Variants in DACH2 observed in about 807,000 individuals in gnomAD.
The protein encoded by DACH2 is dachshund family transcription factor 2.
DACH2 carries 17 observed loss-of-function variants against 35.8 expected under a neutral mutation model. The ratio of observed to expected loss-of-function variants is 0.48; its 90% CI spans 0.33 to 0.71. The LOEUF (loss-of-function observed/expected upper bound fraction) is 0.71, where lower values mean the gene tolerates loss of function less well. DACH2 is among the 30% of genes least tolerant of loss of function. The probability of loss-of-function intolerance (pLI) is 0.02; values close to 1 mark genes in which losing one functional copy is unlikely to be tolerated. For missense variants in DACH2, 469 were observed against 472.7 expected, an observed-to-expected ratio of 0.99 and a Z score of 0.07; for synonymous variants, 195 against 177.3, an observed-to-expected ratio of 1.10 and a Z score of -0.79.
intron 2 of DACH2, among the ~76,000 whole-genome samples, chrX:86,471,594 C>T (rs1056288321): frequency 5.4e-5 from 6 of 111,046 alleles, no homozygotes; most frequent in Admixed American, 1.9e-4. Context: ...ATAACCACCC[C>T]AAAAGATATG....
At chrX:86,546,503 CTTTTTTTTTT>C (rs35560036) in intron 3 of DACH2, among the ~76,000 whole-genome samples, 1 of 69,812 alleles carries the variant, frequency 1.4e-5, no homozygotes, top group Admixed American at 1.7e-4. Context: ...CTTCTTCTTT[CTTTTTTTTTT>C]TTTTTTTTTA....
At chrX:86,241,690 G>T (rs1174655366) in intron 1 of DACH2, among the ~76,000 whole-genome samples, 1 of 112,481 alleles carries the variant, frequency 8.9e-6, no homozygotes, top group Non-Finnish European at 1.9e-5. Context: ...GTCAGAGACT[G>T]TCACAGCAGC....
intron 7 of DACH2, among the ~76,000 whole-genome samples, chrX:86,768,599 A>G (rs1292404720): frequency 9.0e-6 from 1 of 111,661 alleles, no homozygotes; most frequent in African/African-American, 3.3e-5. Context: ...GTTCAGCAGA[A>G]TTTCATTATT....
chrX:86,812,207 A>G (rs2042401084), intron 7 of DACH2, among the ~76,000 whole-genome samples: 2 of 111,951 alleles, frequency 1.8e-5, no homozygotes, highest in Admixed American at 9.6e-5. Context: ...CAAAAAAACC[A>G]TGTATCGTAG....
At chrX:86,346,474 A>C (rs770223981) in intron 1 of DACH2, among the ~76,000 whole-genome samples, 86 of 110,683 alleles carry the variant, frequency 7.8e-4, no homozygotes, top group African/African-American at 2.7e-3. Flanking sequence ...TTTTCTTCTG[A>C]AGATAAAATC....
chrX:86,229,602 T>C (rs1437791792), intron 1 of DACH2, among the ~76,000 whole-genome samples: 2 of 112,136 alleles, frequency 1.8e-5, no homozygotes, highest in Middle Eastern at 4.6e-3. Flanking sequence ...TCCATAAGCA[T>C]GGATATGTTT....
At chrX:86,513,015 G>A in intron 2 of DACH2, 1 of 301,002 alleles carries the variant, frequency 3.3e-6, no homozygotes. Flanking sequence ...TTGATGTACA[G>A]TGGAAGAAAA....
At chrX:86,711,326 A>C (rs1279354993) in intron 5 of DACH2, among the ~76,000 whole-genome samples, 2 of 111,673 alleles carry the variant, frequency 1.8e-5, no homozygotes, top group African/African-American at 3.3e-5. Flanking sequence ...GCGTGAGCCG[A>C]GATCTCTCCA....
At chrX:86,678,747 A>G (rs1485113804) in intron 4 of DACH2, among the ~76,000 whole-genome samples, 1 of 112,141 alleles carries the variant, frequency 8.9e-6, no homozygotes, top group Non-Finnish European at 1.9e-5. Context: ...CAAGTATTTT[A>G]TTATCAAGTC....
intron 1 of DACH2, among the ~76,000 whole-genome samples, chrX:86,294,558 C>T (rs2034397640): frequency 9.1e-6 from 1 of 109,899 alleles, no homozygotes; most frequent in Non-Finnish European, 1.9e-5. Flanking sequence ...TGCGGTTTTT[C>T]CTACTTTTGG....
At chrX:86,826,255 G>A (rs189667316) in intron 11 of DACH2, among the ~76,000 whole-genome samples, 133 of 111,236 alleles carry the variant, frequency 1.2e-3, no homozygotes, top group Non-Finnish European at 2.3e-3. Context: ...AGGGGAAAGG[G>A]ATGTATTAAA....
chrX:86,264,113 G>C lies in DACH2; in HGVS notation c.489-112711G>C, dbSNP rs760425371. Among the ~76,000 whole-genome samples the C allele has an allele frequency of 2.2e-4, 25 of 111,863 alleles. No individual in the cohort carries two copies. The East Asian group carries it at 6.7e-3, about 30-fold the overall frequency. ...AAATGATTTTCTGTATATAATTTAT[G>C]TATAGTGTATGCTTAAAATATTTCT... On this transcript the variant is annotated intron_variant, in intron 1 of 11. Coordinates refer to ENST00000373125, the MANE Select transcript of DACH2 (RefSeq NM_053281.3).
At chrX:86,488,498 G>A (rs1307059873) in intron 2 of DACH2, among the ~76,000 whole-genome samples, 4 of 111,287 alleles carry the variant, frequency 3.6e-5, no homozygotes, top group Non-Finnish European at 5.7e-5. Flanking sequence ...TCTAATCTCA[G>A]TTCCCCAGAG....
chrX:86,623,683 G>A (rs2040094793), intron 3 of DACH2, among the ~76,000 whole-genome samples: 1 of 111,661 alleles, frequency 9.0e-6, no homozygotes, highest in Admixed American at 9.5e-5. Flanking sequence ...GACTGGAAAG[G>A]CAAAGAGTTA....
intron 4 of DACH2, 60 bp downstream of exon 4, chrX:86,651,227 A>G (rs2040475463): frequency 1.4e-5 from 16 of 1,134,153 alleles, no homozygotes; most frequent in Non-Finnish European, 1.9e-5. Flanking sequence ...GGGGCAGGAG[A>G]GAGGTGGGAT....
At chrX:86,512,596 C>T (rs1202155746) in intron 2 of DACH2, among the ~76,000 whole-genome samples, 4 of 111,609 alleles carry the variant, frequency 3.6e-5, no homozygotes, top group Admixed American at 9.6e-5. Context: ...ATGTTTACAG[C>T]GGACAAATAC....
At chrX:86,357,548 G>T (rs751843857) in intron 1 of DACH2, among the ~76,000 whole-genome samples, 2 of 112,159 alleles carry the variant, frequency 1.8e-5, no homozygotes, top group Non-Finnish European at 3.8e-5. Context: ...CAAAGGTAAT[G>T]TTTTTTATCC....
intron 2 of DACH2, among the ~76,000 whole-genome samples, chrX:86,410,383 C>T (rs1267593876): frequency 3.6e-5 from 4 of 111,751 alleles, no homozygotes; most frequent in Non-Finnish European, 7.5e-5. Flanking sequence ...TAATGCTTTG[C>T]TAGAAAATGT....
At chrX:86,619,699 C>A (rs748647879) in intron 3 of DACH2, among the ~76,000 whole-genome samples, 11 of 111,862 alleles carry the variant, frequency 9.8e-5, no homozygotes, top group Non-Finnish European at 1.7e-4. Context: ...GCAAACTGTG[C>A]AAGTGAATTG....
Sources: gnomAD v4.1 joint callset for allele counts (sites outside exome capture counted in the v4.1 genomes callset) on GRCh38, gnomAD v4.1.1 for gene constraint, MANE v1.5 for transcripts, NCBI Gene and HGNC (gene_info 2026-07-23, HGNC 2026-07-21) for gene names.